LAMA5: variants seen among roughly 807,000 people sequenced by gnomAD.
LAMA5 encodes laminin subunit alpha 5.
LAMA5 carries 260 observed loss-of-function variants against 433.4 expected under a neutral mutation model. The observed-to-expected ratio is 0.60, with a 90% CI of 0.54 to 0.66. The LOEUF is 0.66. Among genes scored for constraint, LAMA5 ranks in the 30% least tolerant of loss-of-function variants. LAMA5 has a pLI of 0.00. For synonymous variants in LAMA5, 2,620 were observed against 2,226.6 expected (o/e 1.18, Z -4.97); for missense variants, 5,378 against 5,258.5 (o/e 1.02, Z -0.70).
chr20:62,342,726 A>G (rs1048046488), intron 11 of LAMA5, among the ~76,000 whole-genome samples: 1 of 152,230 alleles, frequency 6.6e-6, no homozygotes, highest in Admixed American at 6.5e-5. Flanking sequence ...AACAGGTATC[A>G]GGACTAAAGG....
rs748303970 is a variant in LAMA5 at position 62,313,676 on chromosome 20, G to A, written c.8631C>T (p.Tyr2877=). ...TGAAGGTACTGGGGTACCCCCCGAC[G>A]TAGAAGACGAAGTCGTCTGGCCGCA... ...LNLRPDDFVF[Y]VGGYPSTFTP... The change falls in exon 63 of 80, where the codon TAC becomes TAT. Residue 2877 remains tyrosine, a synonymous_variant. Transcript: ENST00000252999. 3.4e-5 allele frequency: 55 copies of A among 1,612,668 alleles called. No individual in the cohort carries two copies. Among genetic ancestry groups the A allele is most frequent in the African/African-American group, 9.3e-5 (7 of 74,942 alleles).
At chr20:62,348,566 C>G (rs1392179185) in intron 6 of LAMA5, among the ~76,000 whole-genome samples, 1 of 152,012 alleles carries the variant, frequency 6.6e-6, no homozygotes, top group African/African-American at 2.4e-5. Context: ...GAGATTGCAC[C>G]ACTGCACTCC....
rs377744524 is a variant in LAMA5 at position 62,316,967 on chromosome 20, T to C, written c.7568A>G (p.Asn2523Ser). Residue 2523 changes from asparagine to serine, a missense_variant, in exon 56 of 80, where the codon AAC becomes AGC. By Grantham distance (46) the Asn-to-Ser change is conservative. Coordinates refer to ENST00000252999, the MANE Select transcript of LAMA5 (RefSeq NM_005560.6). ...GGCCTGCAGGATGCGGCTGTAGGCG[T>C]TGGAGGCCTCGATGGCCCTCTGGGT... ...RLTQRAIEASNAYSRILQAVQ... is the reference protein window; with the variant it reads ...RLTQRAIEASSAYSRILQAVQ... 186 of 1,567,810 alleles carry C rather than the reference T, an allele frequency of 1.2e-4. No homozygotes were observed. The highest frequency in any genetic ancestry group is 1.5e-4 in the Non-Finnish European group (172 of 1,153,444).
intron 6 of LAMA5, chr20:62,351,282 T>G: frequency 5.4e-5 from 13 of 239,968 alleles, no homozygotes; most frequent in East Asian, 9.2e-5. Flanking sequence ...CCAAAGTGAA[T>G]TAGGGCTGCC....
chr20:62,355,541 G>C (rs749074111), intron 2 of LAMA5: 1 of 152,328 alleles, frequency 6.6e-6, no homozygotes, highest in Non-Finnish European at 1.5e-5. Context: ...CTTCTCGGAG[G>C]GCTTGGCGTT....
At chr20:62,344,322 G>T (rs1983038604) in intron 11 of LAMA5, among the ~76,000 whole-genome samples, 2 of 151,846 alleles carry the variant, frequency 1.3e-5, no homozygotes, top group Non-Finnish European at 2.9e-5. Flanking sequence ...TAAAAAGCAA[G>T]GGAACATGGC....
intron 1 of LAMA5, among the ~76,000 whole-genome samples, chr20:62,364,511 C>A (rs571433439): frequency 6.6e-6 from 1 of 152,354 alleles, no homozygotes; most frequent in Non-Finnish European, 1.5e-5. Context: ...CGGCCACTCA[C>A]TGAGCCACAG....
chr20:62,315,318 TCG>T (rs1986824459), intron 58 of LAMA5, 111 bp from the exon 59 acceptor site: 1 of 924,806 alleles, frequency 1.1e-6, no homozygotes, highest in Admixed American at 2.7e-5. Context: ...CCCCTATGGA[TCG>T]TGTGAGACCC....
At position 62,324,186 on chromosome 20, in the gene LAMA5, C is replaced by T. The variant is rs755666665; in HGVS notation, c.5662G>A (p.Glu1888Lys). 8.3e-6 allele frequency: 13 copies of T among 1,574,930 alleles called. No individual in the cohort carries two copies. The highest frequency in any genetic ancestry group is 5.6e-5 in the African/African-American group (4 of 71,908). ...GVCVDCQHNTEGAHCERCQAG... is the reference protein window; with the variant it reads ...GVCVDCQHNTKGAHCERCQAG... Reference sequence around the variant, plus strand: ...TGGCAGCGCTCACAGTGGGCCCCTTCGGTGTTGTGCTGGCAGTCCTGGGGC... The same window carrying T: ...TGGCAGCGCTCACAGTGGGCCCCTTTGGTGTTGTGCTGGCAGTCCTGGGGC... Residue 1888 changes from glutamate to lysine, a missense_variant, in exon 43 of 80, where the codon GAA (glutamate) becomes AAA (lysine). Glu to Lys is a moderately conservative substitution (Grantham distance 56, BLOSUM62 1). Coordinates refer to ENST00000252999, the MANE Select transcript of LAMA5 (RefSeq NM_005560.6). The surrounding 1 kb of genome is among the most constrained non-coding windows in gnomAD (Gnocchi z 4.4).
At chr20:62,330,149 T>G (rs1980088377) in intron 31 of LAMA5, among the ~76,000 whole-genome samples, 1 of 152,220 alleles carries the variant, frequency 6.6e-6, no homozygotes, top group Non-Finnish European at 1.5e-5. Flanking sequence ...CAACTCCATG[T>G]GCGGGACCCC....
Position 62,327,389 on chromosome 20 carries a change from T to C in LAMA5, c.4956A>G (p.Gly1652=). Residue 1652 remains glycine, a synonymous_variant, in exon 38 of 80, where the codon GGA becomes GGG. Coordinates refer to ENST00000252999, the MANE Select transcript of LAMA5 (RefSeq NM_005560.6). ...YTRQEFVDME[G]WVLLSTDRQV... ...GCCGGTCAGTGCTCAGCAGCACCCA[T>C]CCCTCCATATCCACGAACTGTGGGC... is the stretch of plus-strand genomic sequence containing the variant. The C allele has an allele frequency of 6.3e-7, 1 of 1,587,954 alleles. No homozygotes were observed. The highest frequency in any genetic ancestry group is 1.3e-5 in the African/African-American group (1 of 74,642).
chr20:62,319,842 C>T (rs542945866), intron 50 of LAMA5, 47 bp from the exon 51 acceptor site: 29 of 1,466,072 alleles, frequency 2.0e-5, no homozygotes, highest in South Asian at 8.5e-5. Flanking sequence ...AGGCGAGGGT[C>T]GGGGTGGCAA....
chr20:62,324,109 G>A lies in LAMA5; in HGVS notation c.5739C>T (p.Cys1913=). The change falls in exon 43 of 80, where the codon TGC becomes TGT. Residue 1913 remains cysteine, a synonymous_variant. Coordinates refer to ENST00000252999, the MANE Select transcript of LAMA5 (RefSeq NM_005560.6). The surrounding 1 kb of genome is among the most constrained non-coding windows in gnomAD (Gnocchi z 4.4). ...TGGAAGGCACTGAGAGGGGGCAGGG[G>A]CAGCTGACACAGGGGGCGCTGGGGT... ...RDDPSAPCVS[C]PCPLSVPSNN... The A allele has an allele frequency of 6.6e-7, 1 of 1,525,778 alleles. No homozygotes were observed. The highest frequency in any genetic ancestry group is 1.3e-5 in the South Asian group (1 of 77,918). The allele number at this position is 1,525,778 out of a possible 1,614,324, so 94.5% of individuals were successfully genotyped here.
At position 62,331,087 on chromosome 20, in the gene LAMA5, A is replaced by T; in HGVS notation, c.3595T>A (p.Phe1199Ile). The T allele has an allele frequency of 6.2e-7, 1 of 1,603,492 alleles. No individual in the cohort carries two copies. The highest frequency in any genetic ancestry group is 8.5e-7 in the Non-Finnish European group (1 of 1,175,548). ...ATGCAGCTGACCCGGGGCTCCACGAACTCCGGGCTGAACTCCTCAATGGGC... is the reference window on the plus strand; with the variant it reads ...ATGCAGCTGACCCGGGGCTCCACGATCTCCGGGCTGAACTCCTCAATGGGC... ...LVPIEEFSPE[F>I]VEPRVSCISS... The change falls in exon 29 of 80, where the codon TTC (phenylalanine) becomes ATC (isoleucine). Residue 1199 changes from phenylalanine to isoleucine, a missense_variant. Phe to Ile is a conservative substitution (Grantham distance 21). Coordinates refer to ENST00000252999, the MANE Select transcript of LAMA5 (RefSeq NM_005560.6).
At position 62,367,053 on chromosome 20, in the gene LAMA5, C is replaced by G; in HGVS notation, c.193G>C (p.Gly65Arg). Residue 65 changes from glycine to arginine, a missense_variant, in exon 1 of 80, where the codon GGA becomes CGA. Transcript: ENST00000252999. ...GARIAASATC[G>R]EEAPARGSPR... The stretch of plus-strand genomic sequence containing the variant: ...GAGCCGCGCGCCGGGGCCTCCTCTC[C>G]GCAGGTCGCGGAGGCGGCGATGCGG... 1 of 1,266,172 alleles carries G rather than the reference C, an allele frequency of 7.9e-7. No individual in the cohort carries two copies. The highest frequency in any genetic ancestry group is 9.9e-7 in the Non-Finnish European group (1 of 1,008,698). 78.4% of individuals were successfully genotyped at this position (1,266,172 alleles called of 1,614,324 possible).
Position 62,317,723 on chromosome 20 carries a change from G to A in LAMA5, c.7295C>T (p.Ala2432Val), listed in dbSNP as rs759314627. Residue 2432 changes from alanine (A) to valine (V), a missense_variant, in exon 54 of 80, where the codon GCG becomes GTG. Coordinates refer to ENST00000252999, the MANE Select transcript of LAMA5 (RefSeq NM_005560.6). ...GACGCTGGCCAGGGTGTCCCTAGCC[G>A]CATGCAGAGTGGCCTGCAGGGTGGC... ...DNATLQATLH[A>V]ARDTLASVFR... 80 of 1,607,002 alleles carry A rather than the reference G, an allele frequency of 5.0e-5. No homozygotes were observed. Among genetic ancestry groups the A allele is most frequent in the East Asian group, 1.1e-4 (5 of 44,544 alleles).
intron 16 of LAMA5, 138 bp from the exon 17 acceptor site, chr20:62,336,924 C>T: frequency 1.2e-6 from 1 of 814,662 alleles, no homozygotes; most frequent in Non-Finnish European, 2.0e-6. Flanking sequence ...CATGGACGGC[C>T]TGAAAACACG....
rs568180479 is a variant in LAMA5 at position 62,333,648 on chromosome 20, G to A, written c.2937C>T (p.Thr979=). ...GCTCTCCGAAGCCCCTCTGGGGCAC[G>A]GTGATGAAGGCAGGCTCCGTGCTGG... The part of the protein sequence containing the change: ...FPPSTEPAFI[T]VPQRGFGEPF... Residue 979 remains threonine, a synonymous_variant, in exon 24 of 80, where the codon ACC becomes ACT. Coordinates refer to ENST00000252999, the MANE Select transcript of LAMA5 (RefSeq NM_005560.6). 5.4e-5 allele frequency: 86 copies of A among 1,592,254 alleles called. No homozygotes were observed. Among genetic ancestry groups the A allele is most frequent in the South Asian group, 4.1e-4 (36 of 87,338 alleles).
intron 11 of LAMA5, among the ~76,000 whole-genome samples, chr20:62,341,824 A>AC (rs1434780792): frequency 1.5e-4 from 10 of 65,270 alleles, no homozygotes; most frequent in African/African-American, 3.2e-4. Context: ...GGTCTGATCA[A>AC]CCAAAAAAAA....
Sources: gnomAD v4.1 joint callset for allele counts (sites outside exome capture counted in the v4.1 genomes callset) on GRCh38, gnomAD v4.1.1 for gene constraint, Gnocchi (gnomAD v3.1) non-coding constraint, MANE v1.5 for transcripts, NCBI Gene and HGNC (gene_info 2026-07-23, HGNC 2026-07-21) for gene names.